The following ARHGAP19 variants were observed in gnomAD, a reference collection of about 807,000 sequenced individuals.
The protein encoded by ARHGAP19 is Rho GTPase activating protein 19.
Under a neutral mutation model 60.9 loss-of-function variants are expected in ARHGAP19, and 48 were observed. The ratio of observed to expected loss-of-function variants is 0.79; its 90% CI spans 0.62 to 1.00. The LOEUF (loss-of-function observed/expected upper bound fraction) is 1.00. ARHGAP19 is among the 50% of genes least tolerant of loss of function. ARHGAP19 has a pLI of 0.00. For synonymous variants in ARHGAP19, 209 were observed against 215.5 expected (o/e 0.97, Z 0.27); for missense variants, 562 against 597.2 (o/e 0.94, Z 0.61).
chr10:97,259,501 A>T lies in ARHGAP19; in HGVS notation c.741T>A (p.Leu247=). ...PPNRNLLKLL[L]DLLYQTAKKQ... ...TCTTTGCTGTCTGGTATAGGAGATC[A>T]AGCAATAACTTCAGCAAATTACGAT... Residue 247 remains leucine, a synonymous_variant, in exon 5 of 12, where the codon CTT becomes CTA. Coordinates refer to ENST00000358531, the MANE Select transcript of ARHGAP19 (RefSeq NM_032900.6). 6.2e-7 allele frequency: 1 copy of T among 1,614,202 alleles called. No homozygotes were observed. The highest frequency in any genetic ancestry group is 8.5e-7 in the Non-Finnish European group (1 of 1,180,036).
intron 1 of ARHGAP19, 104 bp downstream of exon 1, chr10:97,292,468 A>G (rs911192247): frequency 7.0e-7 from 1 of 1,437,530 alleles, no homozygotes; most frequent in Non-Finnish European, 9.7e-7. Flanking sequence ...CGTGGGAGAA[A>G]GAAACAAAGC....
intron 9 of ARHGAP19, among the ~76,000 whole-genome samples, chr10:97,231,630 G>A (rs1313037458): frequency 6.6e-6 from 1 of 152,114 alleles, no homozygotes; most frequent in African/African-American, 2.4e-5. Context: ...TGTAGGATAT[G>A]TCAGAATTTC....
In ARHGAP19 at chr10:97,226,093, A is replaced by G; in HGVS notation, c.*29T>C. 6.2e-7 allele frequency: 1 copy of G among 1,612,842 alleles called. No individual in the cohort carries two copies. Among genetic ancestry groups the G allele is most frequent in the Non-Finnish European group, 8.5e-7 (1 of 1,179,110 alleles). On this transcript the variant is annotated 3_prime_UTR_variant, in exon 12 of 12. Coordinates refer to ENST00000358531, the MANE Select transcript of ARHGAP19 (RefSeq NM_032900.6). ...CTGCCCACTAAACAGAAAATTCTGC[A>G]TGGACCATAGGAGACAACTCTGGAT...
intron 4 of ARHGAP19, among the ~76,000 whole-genome samples, chr10:97,262,001 G>A (rs915117299): frequency 1.4e-4 from 22 of 152,042 alleles, no homozygotes; most frequent in Admixed American, 6.6e-5. Flanking sequence ...CAGAGAAAAG[G>A]AATATATGTA....
chr10:97,245,593 C>A (rs1799029832), intron 7 of ARHGAP19, among the ~76,000 whole-genome samples: 2 of 80,208 alleles, frequency 2.5e-5, no homozygotes, highest in South Asian at 1.1e-3. Context: ...GAAACCCTAT[C>A]TCAAAAAAAA....
At chr10:97,226,306 G>A (rs748158018) in intron 11 of ARHGAP19, among the ~76,000 whole-genome samples, 174 bp from the exon 12 acceptor site, 6 of 152,078 alleles carry the variant, frequency 3.9e-5, no homozygotes, top group African/African-American at 7.2e-5. Context: ...ATATAATCTC[G>A]TTCATTAAAT....
At chr10:97,248,816 TTTTGTTTG>T (rs112710177) in intron 6 of ARHGAP19, among the ~76,000 whole-genome samples, 1 of 151,968 alleles carries the variant, frequency 6.6e-6, no homozygotes, top group African/African-American at 2.4e-5. Flanking sequence ...TAAATATCAA[TTTTGTTTG>T]TTTGTTTGTT....
At chr10:97,245,417 G>A (rs1470779645) in intron 7 of ARHGAP19, among the ~76,000 whole-genome samples, 2 of 151,850 alleles carry the variant, frequency 1.3e-5, no homozygotes, top group African/African-American at 4.8e-5. Context: ...CTTGAGCCCA[G>A]GAGTTTGAGA....
chr10:97,236,158 G>A (rs2134820898), intron 8 of ARHGAP19, among the ~76,000 whole-genome samples: 1 of 152,058 alleles, frequency 6.6e-6, no homozygotes, highest in Middle Eastern at 3.4e-3. Flanking sequence ...TCTATTTTTA[G>A]TAGAGATGGG....
chr10:97,244,525 G>A (rs544004736), intron 7 of ARHGAP19, among the ~76,000 whole-genome samples: 2 of 152,268 alleles, frequency 1.3e-5, no homozygotes, highest in South Asian at 4.2e-4. Context: ...AAAAAACTGA[G>A]GTTAAACTGT....
chr10:97,230,006 T>C lies in ARHGAP19; in HGVS notation c.1285-132A>G, dbSNP rs76423578. 7.6e-5 allele frequency: 48 copies of C among 635,196 alleles called. No homozygotes were observed. The East Asian group carries it at 1.2e-3, about 16-fold the overall frequency. The allele number at this position is 635,196 out of a possible 1,614,324, so 39.3% of individuals were successfully genotyped here. Reference sequence around the variant, plus strand: ...CATTCTGATAATCCTGTATGGACCCTCTCAGGCCATCTTATACAAGAGAGG... The same window carrying C: ...CATTCTGATAATCCTGTATGGACCCCCTCAGGCCATCTTATACAAGAGAGG... On this transcript the variant is annotated intron_variant, in intron 9 of 11. Coordinates refer to ENST00000358531, the MANE Select transcript of ARHGAP19 (RefSeq NM_032900.6).
rs754849908 is a variant in ARHGAP19 at position 97,266,132 on chromosome 10, AAC to A, written c.57-9_57-8del. ...AAAACTGCAGATGGCATCACTGAAA[AAC>A]ACAGAAGAAAATCTTTCGGGACATC... is the stretch of plus-strand genomic sequence containing the variant. On this transcript the variant is annotated splice_polypyrimidine_tract_variant and splice_region_variant and intron_variant, in intron 1 of 11. Transcript: ENST00000358531. 6.2e-6 allele frequency: 10 copies of A among 1,612,724 alleles called. No homozygotes were observed. Among genetic ancestry groups the A allele is most frequent in the Non-Finnish European group, 8.5e-6 (10 of 1,179,234 alleles).
chr10:97,258,297 G>A (rs760347903), intron 5 of ARHGAP19, among the ~76,000 whole-genome samples: 3 of 152,134 alleles, frequency 2.0e-5, no homozygotes, highest in Non-Finnish European at 2.9e-5. Flanking sequence ...AGGCAGCAGC[G>A]GGTGGATCAC....
At chr10:97,236,669 T>C (rs566654948) in intron 8 of ARHGAP19, among the ~76,000 whole-genome samples, 4 of 152,178 alleles carry the variant, frequency 2.6e-5, no homozygotes, top group African/African-American at 9.6e-5. Flanking sequence ...TAGCCGGGCA[T>C]GGTGGTGTAC....
In ARHGAP19 at chr10:97,265,918, A is replaced by G; in HGVS notation, c.264T>C (p.Pro88=). 1.2e-6 allele frequency: 2 copies of G among 1,614,118 alleles called. No homozygotes were observed. Among genetic ancestry groups the G allele is most frequent in the Non-Finnish European group, 1.7e-6 (2 of 1,180,016 alleles). Reference sequence around the variant, plus strand: ...ATCCTGATGCTGGGCCAGCCCCGCCAGGCAACTTAAGGTCCACTTCCCCCA... The same window carrying G: ...ATCCTGATGCTGGGCCAGCCCCGCCGGGCAACTTAAGGTCCACTTCCCCCA... The part of the protein sequence containing the change: ...QLMGEVDLKL[P]GGAGPASGFF... Residue 88 remains proline (P), a synonymous_variant, in exon 2 of 12, where the codon CCT becomes CCC. Coordinates refer to ENST00000358531, the MANE Select transcript of ARHGAP19 (RefSeq NM_032900.6).
chr10:97,223,911 C>A lies in ARHGAP19; in HGVS notation c.*2211G>T, dbSNP rs116677912. ...AAAATGACCTATAAAACCCCTAAAG[C>A]AAGGGAAAACATATTCAATAAATAA... is the stretch of plus-strand genomic sequence containing the variant. On this transcript the variant is annotated 3_prime_UTR_variant, in exon 12 of 12. Transcript: ENST00000358531. 2.5e-3 allele frequency: 378 copies of A among 152,224 alleles called. 2 individuals are homozygous for A. Among genetic ancestry groups the A allele is most frequent in the African/African-American group, 8.9e-3 (368 of 41,530 alleles). The allele number at this position is 152,224 out of a possible 1,614,324, so 9.4% of individuals were successfully genotyped here.
intron 6 of ARHGAP19, among the ~76,000 whole-genome samples, chr10:97,248,052 G>A (rs1039355404): frequency 2.1e-5 from 3 of 144,018 alleles, no homozygotes. Context: ...TGCAACCTCC[G>A]CCTCCCAGGT....
At chr10:97,246,102 AACTT>A (rs1223425081) in intron 7 of ARHGAP19, among the ~76,000 whole-genome samples, 166 bp downstream of exon 7, 1 of 152,170 alleles carries the variant, frequency 6.6e-6, no homozygotes, top group Non-Finnish European at 1.5e-5. Flanking sequence ...TCTAATACAT[AACTT>A]ACTTCTTAGT....
In ARHGAP19 at chr10:97,235,237, A is replaced by C. The variant is rs762541390; in HGVS notation, c.1264T>G (p.Ser422Ala). Residue 422 changes from serine to alanine, a missense_variant, in exon 9 of 12, where the codon TCC (serine) becomes GCC (alanine). Ser to Ala is a moderately conservative substitution (Grantham distance 99). Transcript: ENST00000358531. ...SQVQKRARSR[S>A]FSGLIKRKVL... ...CCTACCTTAATAAGCCCACTGAAGGAGCGCGAACGAGCCCTCTTTTGTACC... is the reference window on the plus strand; with the variant it reads ...CCTACCTTAATAAGCCCACTGAAGGCGCGCGAACGAGCCCTCTTTTGTACC... The C allele has an allele frequency of 6.2e-7, 1 of 1,613,498 alleles. No individual in the cohort carries two copies.
Sources: gnomAD v4.1 joint callset for allele counts (sites outside exome capture counted in the v4.1 genomes callset) on GRCh38, gnomAD v4.1.1 for gene constraint, MANE v1.5 for transcripts, NCBI Gene and HGNC (gene_info 2026-07-23, HGNC 2026-07-21) for gene names.